UBE2E3: variants seen among roughly 807,000 people sequenced by gnomAD.
UBE2E3 encodes ubiquitin conjugating enzyme E2 E3, also known as ubiquitin-conjugating enzyme E2 E3.
A neutral mutation model predicts 23.6 loss-of-function variants in UBE2E3; 5 were observed. The observed-to-expected ratio is 0.21, with a 90% CI of 0.11 to 0.44. The LOEUF is 0.44. Ranked by LOEUF, UBE2E3 falls within the 20% of genes least tolerant of loss-of-function variation. UBE2E3 has a pLI of 0.99. For missense variants in UBE2E3, 81 were observed against 249.8 expected, an observed-to-expected ratio of 0.32 and a Z score of 4.55; for synonymous variants, 78 against 87.5, an observed-to-expected ratio of 0.89 and a Z score of 0.60.
At chr2:181,014,937 A>C (rs938296680) in intron 3 of UBE2E3, among the ~76,000 whole-genome samples, 1 of 152,132 alleles carries the variant, frequency 6.6e-6, no homozygotes, top group Non-Finnish European at 1.5e-5. Context: ...AGTGGAAGTG[A>C]AGTCAATTTA....
rs1433622947 is a variant in UBE2E3, at chr2:180,982,046, T to C, written c.4T>C (p.Ser2Pro). M[S>P]SDRQRSDDES... Reference sequence around the variant, plus strand: ...TCCAAGAGATAACTTCACCAAGATGTCCAGTGATAGGCAAAGGTCCGATGA... The same window carrying C: ...TCCAAGAGATAACTTCACCAAGATGCCCAGTGATAGGCAAAGGTCCGATGA... Residue 2 changes from serine to proline, a missense_variant, in exon 2 of 6, where the codon TCC becomes CCC. Transcript: ENST00000410062. 1.9e-6 allele frequency: 3 copies of C among 1,601,914 alleles called. No homozygotes were observed. Among genetic ancestry groups the C allele is most frequent in the Non-Finnish European group, 2.6e-6 (3 of 1,176,184 alleles).
Position 181,032,895 on chromosome 2 carries a change from G to A in UBE2E3, c.246-24798G>A, listed in dbSNP as rs904913010. Among the ~76,000 whole-genome samples, 6 of 151,854 alleles carry A rather than the reference G, an allele frequency of 4.0e-5. No homozygotes were observed. In the South Asian group the frequency reaches 6.2e-4, roughly 16 times the overall value. Reference sequence around the variant, plus strand: ...GCATTCTTAAACACCAATAACAGACGCAGAGCCAAATCATGAGTGAACTCC... The same window carrying A: ...GCATTCTTAAACACCAATAACAGACACAGAGCCAAATCATGAGTGAACTCC... On this transcript the variant is annotated intron_variant, in intron 3 of 5. Coordinates refer to ENST00000410062, the MANE Select transcript of UBE2E3 (RefSeq NM_006357.4).
At chr2:180,998,598 AT>A (rs1314615703) in intron 3 of UBE2E3, among the ~76,000 whole-genome samples, 1 of 152,126 alleles carries the variant, frequency 6.6e-6, no homozygotes, top group East Asian at 1.9e-4. Context: ...TACCTATGTC[AT>A]CATGCAAAAT....
At chr2:181,045,678 A>G (rs1213939298) in intron 3 of UBE2E3, among the ~76,000 whole-genome samples, 3 of 152,148 alleles carry the variant, frequency 2.0e-5, no homozygotes, top group African/African-American at 7.2e-5. Flanking sequence ...AGGTGATTAC[A>G]TTTGGCAGCC....
At chr2:181,029,659 C>CTTTTTTTTTTTTTTTTTTTTTTTTTTT (rs61149975) in intron 3 of UBE2E3, among the ~76,000 whole-genome samples, 1 of 116,852 alleles carries the variant, frequency 8.6e-6, no homozygotes, top group Non-Finnish European at 1.7e-5. Flanking sequence ...TGTAGACAAT[C>CTTTTTTTTTTTTTTTTTTTTTTTTTTT]TTTTTTTTTT....
chr2:181,015,630 A>G (rs1189236157), intron 3 of UBE2E3, among the ~76,000 whole-genome samples: 1 of 152,152 alleles, frequency 6.6e-6, no homozygotes, highest in African/African-American at 2.4e-5. Context: ...TAAATTTTTT[A>G]TAATAACAGA....
chr2:181,012,970 A>T (rs1685380056), intron 3 of UBE2E3, among the ~76,000 whole-genome samples: 1 of 152,122 alleles, frequency 6.6e-6, no homozygotes. Context: ...CCTTCCTAAC[A>T]AGGGATCAGG....
At chr2:180,988,586 A>T (rs891288409) in intron 3 of UBE2E3, among the ~76,000 whole-genome samples, 1 of 152,196 alleles carries the variant, frequency 6.6e-6, no homozygotes, top group Admixed American at 6.5e-5. Flanking sequence ...GGATTATATC[A>T]GCAGTTGTAA....
chr2:181,058,080 T>C (rs1574226652), intron 4 of UBE2E3, among the ~76,000 whole-genome samples: 1 of 151,706 alleles, frequency 6.6e-6, no homozygotes, highest in African/African-American at 2.4e-5. Flanking sequence ...GCAGATAAAT[T>C]TTATGCTTAT....
At chr2:181,037,398 T>C (rs1022214567) in intron 3 of UBE2E3, among the ~76,000 whole-genome samples, 16 of 152,150 alleles carry the variant, frequency 1.1e-4, no homozygotes, top group Admixed American at 1.0e-3. Flanking sequence ...GTGTATGTTA[T>C]TGCTCATGAG....
intron 3 of UBE2E3, among the ~76,000 whole-genome samples, chr2:181,056,784 A>G (rs1687000770): frequency 6.6e-6 from 1 of 151,762 alleles, no homozygotes; most frequent in Non-Finnish European, 1.5e-5. Flanking sequence ...TGTCTGTCCA[A>G]ATATTGCTTA....
At chr2:181,017,140 T>TA (rs1486720112) in intron 3 of UBE2E3, among the ~76,000 whole-genome samples, 1 of 152,188 alleles carries the variant, frequency 6.6e-6, no homozygotes, top group Non-Finnish European at 1.5e-5. Flanking sequence ...CTGAGACTGA[T>TA]AGAACATTCC....
At chr2:180,999,049 A>G (rs1450487828) in intron 3 of UBE2E3, among the ~76,000 whole-genome samples, 2 of 152,176 alleles carry the variant, frequency 1.3e-5, no homozygotes, top group Non-Finnish European at 2.9e-5. Flanking sequence ...AGCTACCTCA[A>G]ACTTGTTTTG....
At chr2:181,049,850 A>G (rs1686773037) in intron 3 of UBE2E3, among the ~76,000 whole-genome samples, 1 of 151,942 alleles carries the variant, frequency 6.6e-6, no homozygotes, top group Non-Finnish European at 1.5e-5. Context: ...TTTTATTTTT[A>G]TGTTCAATCT....
At chr2:181,032,224 T>A (rs531785597) in intron 3 of UBE2E3, among the ~76,000 whole-genome samples, 1 of 152,340 alleles carries the variant, frequency 6.6e-6, no homozygotes, top group South Asian at 2.1e-4. Context: ...AAAGCGAACA[T>A]CATTATTTCA....
intron 3 of UBE2E3, among the ~76,000 whole-genome samples, chr2:181,044,115 A>G (rs547747092): frequency 1.3e-5 from 2 of 152,214 alleles, no homozygotes; most frequent in African/African-American, 2.4e-5. Flanking sequence ...ATCTAGTGGT[A>G]TTTGAGCATA....
At chr2:181,017,650 C>CT (rs1477227461) in intron 3 of UBE2E3, among the ~76,000 whole-genome samples, 9 of 10,170 alleles carry the variant, frequency 8.8e-4, no homozygotes, top group Non-Finnish European at 4.3e-3. Flanking sequence ...TTCCTTGATC[C>CT]ATTTTTTTTT....
chr2:181,016,297 C>G (rs1685489079), intron 3 of UBE2E3, among the ~76,000 whole-genome samples: 1 of 151,748 alleles, frequency 6.6e-6, no homozygotes, highest in Non-Finnish European at 1.5e-5. Flanking sequence ...CCAGGCTGGT[C>G]TTGATCTCCT....
intron 3 of UBE2E3, chr2:180,989,919 C>G: frequency 6.5e-7 from 1 of 1,549,542 alleles, no homozygotes. Context: ...TAAGGACATT[C>G]AGATTGAGAA....
Sources: gnomAD v4.1 joint callset for allele counts (sites outside exome capture counted in the v4.1 genomes callset) on GRCh38, gnomAD v4.1.1 for gene constraint, MANE v1.5 for transcripts, NCBI Gene and HGNC (gene_info 2026-07-23, HGNC 2026-07-21) for gene names.